Variants in NMNAT2 observed in about 807,000 individuals in gnomAD.
NMNAT2 encodes nicotinamide/nicotinic acid mononucleotide adenylyltransferase 2.
NMNAT2 carries 11 observed loss-of-function variants against 41.6 expected under a neutral mutation model. The observed-to-expected ratio is 0.26, with a 90% CI of 0.17 to 0.44. The LOEUF (loss-of-function observed/expected upper bound fraction) is 0.44, where lower values mean the gene tolerates loss of function less well. Ranked by LOEUF, NMNAT2 falls within the 20% of genes least tolerant of loss-of-function variation. The pLI is 1.00. For missense variants in NMNAT2, 288 were observed against 407.7 expected, an observed-to-expected ratio of 0.71 and a Z score of 2.53; for synonymous variants, 148 against 151.2, an observed-to-expected ratio of 0.98 and a Z score of 0.16.
Position 183,250,878 on chromosome 1 carries a change from G to A in NMNAT2, c.*1763C>T, listed in dbSNP as rs1156251861. 2 of 152,584 alleles carry A rather than the reference G, an allele frequency of 1.3e-5. No homozygotes were observed. Among genetic ancestry groups the A allele is most frequent in the African/African-American group, 4.8e-5 (2 of 41,434 alleles). The allele number at this position is 152,584 out of a possible 1,614,324, so 9.5% of individuals were successfully genotyped here. Reference sequence around the variant, plus strand: ...TTGCAGATGTGAAACGTGTGGTAAAGAACATTGTCTTTGCTTTCAGGTCCC... The same window carrying A: ...TTGCAGATGTGAAACGTGTGGTAAAAAACATTGTCTTTGCTTTCAGGTCCC... On this transcript the variant is annotated 3_prime_UTR_variant, in exon 11 of 11. Transcript: ENST00000287713.
At chr1:183,369,398 TC>T (rs1250146355) in intron 1 of NMNAT2, among the ~76,000 whole-genome samples, 1 of 151,900 alleles carries the variant, frequency 6.6e-6, no homozygotes, top group Admixed American at 6.6e-5. Context: ...TGCCTCAGCC[TC>T]CCAAGTAGCT....
At chr1:183,286,559 A>C in intron 5 of NMNAT2, 103 bp downstream of exon 5, 1 of 968,452 alleles carries the variant, frequency 1.0e-6, no homozygotes, top group Non-Finnish European at 1.5e-6. Context: ...TTCCCCTCTC[A>C]GACCTACTGA....
chr1:183,343,969 A>G (rs141847018), intron 1 of NMNAT2, among the ~76,000 whole-genome samples: 1 of 152,216 alleles, frequency 6.6e-6, no homozygotes, highest in East Asian at 1.9e-4. Flanking sequence ...GCTATTTGTA[A>G]TTCTCCAAAT....
chr1:183,296,586 C>T (rs773505613), intron 1 of NMNAT2, among the ~76,000 whole-genome samples: 6 of 151,950 alleles, frequency 3.9e-5, no homozygotes, highest in Non-Finnish European at 7.4e-5. Context: ...CATCTTGGCT[C>T]ACTGCAACCT....
intron 10 of NMNAT2, among the ~76,000 whole-genome samples, chr1:183,255,661 GGT>G (rs1660496478): frequency 1.7e-5 from 2 of 119,406 alleles, no homozygotes; most frequent in Admixed American, 9.9e-5. Context: ...TATTCCTAAG[GGT>G]TTTTTTTTTT....
chr1:183,412,479 T>A (rs970814645), intron 1 of NMNAT2, among the ~76,000 whole-genome samples: 1 of 152,186 alleles, frequency 6.6e-6, no homozygotes, highest in African/African-American at 2.4e-5. Context: ...TGCCTTGGCC[T>A]CCCAAAGTGC....
At chr1:183,283,755 G>GA in intron 7 of NMNAT2, 2 of 534,840 alleles carry the variant, frequency 3.7e-6, no homozygotes, top group Non-Finnish European at 6.8e-6. Context: ...GGCTCTGAAG[G>GA]AAAAATCACC....
At chr1:183,397,319 G>A (rs1338075512) in intron 1 of NMNAT2, among the ~76,000 whole-genome samples, 1 of 152,146 alleles carries the variant, frequency 6.6e-6, no homozygotes, top group Non-Finnish European at 1.5e-5. Context: ...ATCAGTGATT[G>A]AAGATTAAAT....
At chr1:183,267,949 G>T (rs1476624391) in intron 8 of NMNAT2, among the ~76,000 whole-genome samples, 1 of 152,154 alleles carries the variant, frequency 6.6e-6, no homozygotes, top group Non-Finnish European at 1.5e-5. Context: ...ACTGGCATAT[G>T]TCGAGCCTCA....
At chr1:183,394,401 T>G (rs1165762802) in intron 1 of NMNAT2, among the ~76,000 whole-genome samples, 1 of 152,164 alleles carries the variant, frequency 6.6e-6, no homozygotes, top group Non-Finnish European at 1.5e-5. Context: ...TGCCCAACAG[T>G]GAAACAGTCT....
chr1:183,300,848 G>A (rs986903719), intron 1 of NMNAT2, among the ~76,000 whole-genome samples: 1 of 152,198 alleles, frequency 6.6e-6, no homozygotes. Context: ...TAGATTAGAA[G>A]ATTTTGGTTT....
At chr1:183,374,505 G>A (rs1663630526) in intron 1 of NMNAT2, among the ~76,000 whole-genome samples, 3 of 152,216 alleles carry the variant, frequency 2.0e-5, no homozygotes, top group South Asian at 2.1e-4. Context: ...AAATGGTTTA[G>A]TTTGATTTAA....
intron 1 of NMNAT2, among the ~76,000 whole-genome samples, chr1:183,413,927 A>T (rs1020015746): frequency 2.6e-5 from 4 of 152,248 alleles, no homozygotes; most frequent in Non-Finnish European, 5.9e-5. Context: ...AATTTTCAAA[A>T]ACAGCGGCTG....
chr1:183,355,315 A>G (rs945478791), intron 1 of NMNAT2, among the ~76,000 whole-genome samples: 1 of 152,156 alleles, frequency 6.6e-6, no homozygotes, highest in Non-Finnish European at 1.5e-5. Context: ...TTGTTATGAT[A>G]TATTAGTGGT....
chr1:183,309,592 G>C (rs1662064246), intron 1 of NMNAT2, among the ~76,000 whole-genome samples: 1 of 152,186 alleles, frequency 6.6e-6, no homozygotes, highest in African/African-American at 2.4e-5. Flanking sequence ...ATTGAATTTT[G>C]TTACAGCTCA....
chr1:183,287,678 G>A (rs763923000), intron 4 of NMNAT2, among the ~76,000 whole-genome samples: 1 of 152,194 alleles, frequency 6.6e-6, no homozygotes, highest in Non-Finnish European at 1.5e-5. Flanking sequence ...TTCCCAATCT[G>A]TTTAGGTTCA....
At chr1:183,416,694 C>T (rs74129794) in intron 1 of NMNAT2, among the ~76,000 whole-genome samples, 1,755 of 151,602 alleles carry the variant, frequency 0.012, 25 homozygotes, top group African/African-American at 0.041. Context: ...GATATGCCTA[C>T]CCGATTTGCC....
At position 183,335,968 on chromosome 1, in the gene NMNAT2, C is replaced by T. The variant is rs1026948533; in HGVS notation, c.86-42175G>A. Reference sequence around the variant, plus strand: ...AAGGAGAGTAGGAGGGAGAGACCTTCACAACAAGGGTATCTGAACTCTGTG... The same window carrying T: ...AAGGAGAGTAGGAGGGAGAGACCTTTACAACAAGGGTATCTGAACTCTGTG... On this transcript the variant is annotated intron_variant, in intron 1 of 10. Coordinates refer to ENST00000287713, the MANE Select transcript of NMNAT2 (RefSeq NM_015039.4). Among the ~76,000 whole-genome samples the T allele has an allele frequency of 3.3e-5, 5 of 152,194 alleles. 1 individual carries two copies. The highest frequency in any genetic ancestry group is 1.2e-4 in the African/African-American group (5 of 41,444).
At chr1:183,395,335 G>T (rs917115713) in intron 1 of NMNAT2, among the ~76,000 whole-genome samples, 18 of 151,502 alleles carry the variant, frequency 1.2e-4, no homozygotes, top group African/African-American at 4.4e-4. Context: ...CCACATCAAG[G>T]GATTTAGAGT....
Sources: gnomAD v4.1 joint callset for allele counts (sites outside exome capture counted in the v4.1 genomes callset) on GRCh38, gnomAD v4.1.1 for gene constraint, MANE v1.5 for transcripts, NCBI Gene and HGNC (gene_info 2026-07-23, HGNC 2026-07-21) for gene names.